CSNK1G2: variants seen among roughly 807,000 people sequenced by gnomAD.
The protein encoded by CSNK1G2 is casein kinase I isoform gamma-2.
In CSNK1G2, 11 loss-of-function variants were observed where a neutral mutation model predicts 48.0. The ratio of observed to expected loss-of-function variants is 0.23; its 90% confidence interval spans 0.14 to 0.38. The LOEUF (loss-of-function observed/expected upper bound fraction) is 0.38. Among genes scored for constraint, CSNK1G2 ranks in the 10% least tolerant of loss-of-function variants. CSNK1G2 has a pLI of 1.00. For synonymous variants in CSNK1G2, 337 were observed against 254.1 expected (o/e 1.33, Z -3.10); for missense variants, 446 against 595.5 (o/e 0.75, Z 2.61).
Position 1,980,099 on chromosome 19 carries a change from G to GC in CSNK1G2, c.1194-45dup, listed in dbSNP as rs1433330146. ...GGTGGGAGGGCCTGAGGCCTGGGCTGCCCCCGCCCTGCACCCCGGTCCTCC... is the reference window on the plus strand; with the variant it reads ...GGTGGGAGGGCCTGAGGCCTGGGCTGCCCCCCGCCCTGCACCCCGGTCCTCC... On this transcript the variant is annotated intron_variant, in intron 11 of 11. Coordinates refer to ENST00000255641, the MANE Select transcript of CSNK1G2 (RefSeq NM_001319.7). 9 of 1,609,036 alleles carry GC rather than the reference G, an allele frequency of 5.6e-6. No homozygotes were observed. The South Asian group carries it at 7.7e-5, about 14-fold the overall frequency.
Position 1,979,788 on chromosome 19 carries a change from T to C in CSNK1G2, c.1039T>C (p.Ser347Pro), listed in dbSNP as rs1281193882. Residue 347 changes from serine (S) to proline (P), a missense_variant, in exon 10 of 12, where the codon TCC becomes CCC. This residue lies in a region of CSNK1G2 where 188 missense variants were observed against 179.6 expected (regional missense o/e 1.05). Transcript: ENST00000255641. Reference protein sequence around the residue: ...PIGTVHTDLPSQPQLRDKTQP... With the variant: ...PIGTVHTDLPPQPQLRDKTQP... Reference sequence around the variant, plus strand: ...CGGCACCGTCCACACCGACCTGCCCTCCCAGCCTCAGCTCCGGGACAAAAC... The same window carrying C: ...CGGCACCGTCCACACCGACCTGCCCCCCCAGCCTCAGCTCCGGGACAAAAC... 6.2e-7 allele frequency: 1 copy of C among 1,607,122 alleles called. No homozygotes were observed. The highest frequency in any genetic ancestry group is 8.5e-7 in the Non-Finnish European group (1 of 1,178,778).
chr19:1,975,343 C>T, intron 2 of CSNK1G2: 2 of 985,484 alleles, frequency 2.0e-6, no homozygotes, highest in Non-Finnish European at 2.4e-6. Flanking sequence ...GAGCGCAGCT[C>T]AGTGCTTGGT....
intron 1 of CSNK1G2, chr19:1,953,106 C>A: frequency 2.5e-6 from 1 of 393,136 alleles, no homozygotes; most frequent in East Asian, 8.0e-5. Flanking sequence ...CGTGTCCTCT[C>A]AGATGTAGCA....
chr19:1,978,176 G>T lies in CSNK1G2; in HGVS notation c.188-129G>T. 1.1e-6 allele frequency: 1 copy of T among 924,478 alleles called. No homozygotes were observed. Among genetic ancestry groups the T allele is most frequent in the Non-Finnish European group, 1.7e-6 (1 of 571,862 alleles). 57.3% of individuals were successfully genotyped at this position (924,478 alleles called of 1,614,324 possible). On this transcript the variant is annotated intron_variant, in intron 2 of 11. Coordinates refer to ENST00000255641, the MANE Select transcript of CSNK1G2 (RefSeq NM_001319.7). The surrounding 1 kb of genome is among the most constrained non-coding windows in gnomAD (Gnocchi z 7.3). Reference sequence around the variant, plus strand: ...CAGGCTGGGCCCAGGCCCTGCTGCTGGGCAGTGGTGTCATTTGGAGGGTGG... The same window carrying T: ...CAGGCTGGGCCCAGGCCCTGCTGCTTGGCAGTGGTGTCATTTGGAGGGTGG...
Position 1,979,314 on chromosome 19 carries a change from C to G in CSNK1G2, c.769-5C>G, listed in dbSNP as rs371407966. On this transcript the variant is annotated splice_polypyrimidine_tract_variant and splice_region_variant and intron_variant, in intron 7 of 11. Coordinates refer to ENST00000255641, the MANE Select transcript of CSNK1G2 (RefSeq NM_001319.7). The stretch of plus-strand genomic sequence containing the variant: ...GGGAGCAAGGCTGACCACAGACCCC[C>G]GCAGGCCGACACGCTCAAGGAGCGG... The G allele has an allele frequency of 2.8e-5, 45 of 1,597,480 alleles. No individual in the cohort carries two copies. The highest frequency in any genetic ancestry group is 3.8e-5 in the Non-Finnish European group (45 of 1,173,490).
chr19:1,955,875 T>A (rs1273326169), intron 1 of CSNK1G2, among the ~76,000 whole-genome samples: 1 of 152,164 alleles, frequency 6.6e-6, no homozygotes, highest in Non-Finnish European at 1.5e-5. Flanking sequence ...GGGAGGCCAG[T>A]GCTCATCCAG....
At position 1,941,667 on chromosome 19, in the gene CSNK1G2, C is replaced by T. The variant is rs1012533326; in HGVS notation, c.-266+249C>T. On this transcript the variant is annotated intron_variant, in intron 1 of 11. Transcript: ENST00000255641. ...CACTCGGGACCCCAGCGTCCCCCACCGCCCTAACCCGCGCTCAGGACCTCC... is the reference window on the plus strand; with the variant it reads ...CACTCGGGACCCCAGCGTCCCCCACTGCCCTAACCCGCGCTCAGGACCTCC... 3.3e-5 allele frequency among the ~76,000 whole-genome samples: 5 copies of T among 150,740 alleles called. No homozygotes were observed. In the East Asian group the frequency reaches 9.8e-4, roughly 30 times the overall value.
intron 1 of CSNK1G2, among the ~76,000 whole-genome samples, chr19:1,943,555 C>T (rs1384830320): frequency 2.6e-5 from 4 of 152,098 alleles, no homozygotes; most frequent in South Asian, 2.1e-4. Flanking sequence ...TTAGGGGAAG[C>T]CAGTATGCCA....
Position 1,979,201 on chromosome 19 carries a change from A to G in CSNK1G2, c.721A>G (p.Met241Val). Residue 241 changes from methionine (M) to valine (V), a missense_variant, in exon 7 of 12, where the codon ATG becomes GTG. Met to Val is a conservative substitution (Grantham distance 21). Coordinates refer to ENST00000255641, the MANE Select transcript of CSNK1G2 (RefSeq NM_001319.7). ...CGACGACCTGGAGGCGCTGGGCCAC[A>G]TGTTCATGTACTTCCTGCGCGGCAG... Reference protein sequence around the residue: ...RRDDLEALGHMFMYFLRGSLP... With the variant: ...RRDDLEALGHVFMYFLRGSLP... 6.5e-7 allele frequency: 1 copy of G among 1,543,606 alleles called. No homozygotes were observed. Among genetic ancestry groups the G allele is most frequent in the Non-Finnish European group, 8.8e-7 (1 of 1,142,730 alleles).
At chr19:1,960,464 G>C (rs895951541) in intron 1 of CSNK1G2, among the ~76,000 whole-genome samples, 1 of 152,222 alleles carries the variant, frequency 6.6e-6, no homozygotes, top group South Asian at 2.1e-4. Flanking sequence ...GTGTCCCCTC[G>C]GGATGTTTGC....
chr19:1,963,029 G>T (rs146402616), intron 1 of CSNK1G2, among the ~76,000 whole-genome samples: 1 of 94,698 alleles, frequency 1.1e-5, no homozygotes, highest in African/African-American at 4.0e-5. Flanking sequence ...CGGCGTGGAC[G>T]CACCTTCAGG....
chr19:1,971,552 C>T (rs571619957), intron 2 of CSNK1G2, among the ~76,000 whole-genome samples: 6 of 152,336 alleles, frequency 3.9e-5, no homozygotes, highest in African/African-American at 7.2e-5. Context: ...CTAAAGCACA[C>T]GCACACAGGC....
rs781687610 is a variant in CSNK1G2 at position 1,979,464 on chromosome 19, C to T, written c.854-31C>T. 4.0e-5 allele frequency: 61 copies of T among 1,522,200 alleles called. No homozygotes were observed. In the East Asian group the frequency reaches 7.1e-4, roughly 18 times the overall value. 94.3% of individuals were successfully genotyped at this position (1,522,200 alleles called of 1,614,324 possible). A position where few individuals can be genotyped will look rare whatever the true frequency, so the allele number is the denominator to read the frequency against. Reference sequence around the variant, plus strand: ...ACCCCCCACCCCCCACCCCCACCCCCGCCGAGGCCCCGCTGGCGCTCTCTC... The same window carrying T: ...ACCCCCCACCCCCCACCCCCACCCCTGCCGAGGCCCCGCTGGCGCTCTCTC... On this transcript the variant is annotated intron_variant, in intron 8 of 11. Coordinates refer to ENST00000255641, the MANE Select transcript of CSNK1G2 (RefSeq NM_001319.7).
chr19:1,975,849 A>G, intron 2 of CSNK1G2: 2 of 844,586 alleles, frequency 2.4e-6, no homozygotes, highest in Non-Finnish European at 2.9e-6. Flanking sequence ...CAGCCTGGAC[A>G]ACATGGAGAA....
chr19:1,964,850 C>T (rs1025732752), intron 1 of CSNK1G2, among the ~76,000 whole-genome samples: 11 of 151,496 alleles, frequency 7.3e-5, no homozygotes, highest in South Asian at 2.1e-4. Flanking sequence ...CTCAGCTTCC[C>T]GAGTAGCTGG....
At chr19:1,962,180 AATT>A (rs1007799515) in intron 1 of CSNK1G2, among the ~76,000 whole-genome samples, 1 of 151,968 alleles carries the variant, frequency 6.6e-6, no homozygotes, top group African/African-American at 2.4e-5. Context: ...AAATAACAAA[AATT>A]AGCCAGATGT....
At chr19:1,946,042 T>C (rs886432945) in intron 1 of CSNK1G2, among the ~76,000 whole-genome samples, 2 of 151,954 alleles carry the variant, frequency 1.3e-5, no homozygotes, top group Admixed American at 1.3e-4. Flanking sequence ...GCAGATTCCA[T>C]CTAGGAGCGG....
chr19:1,970,136 C>T (rs1428558599), intron 2 of CSNK1G2, among the ~76,000 whole-genome samples, 177 bp downstream of exon 2: 2 of 152,218 alleles, frequency 1.3e-5, no homozygotes, highest in Admixed American at 6.5e-5. Flanking sequence ...CACTTCCCTT[C>T]GAGGAGGTTC....
chr19:1,953,661 G>A (rs1451544156), intron 1 of CSNK1G2, among the ~76,000 whole-genome samples: 1 of 152,106 alleles, frequency 6.6e-6, no homozygotes, highest in African/African-American at 2.4e-5. Flanking sequence ...TGTGGTCTGT[G>A]CCATCACCAG....
Sources: gnomAD v4.1 joint callset for allele counts (sites outside exome capture counted in the v4.1 genomes callset) on GRCh38, gnomAD v4.1.1 for gene constraint, gnomAD v4.1.1 regional missense constraint, Gnocchi (gnomAD v3.1) non-coding constraint, MANE v1.5 for transcripts, NCBI Gene and HGNC (gene_info 2026-07-23, HGNC 2026-07-21) for gene names.